Variants in NCKAP5 observed in about 807,000 individuals in gnomAD.
NCKAP5 encodes the protein nck-associated protein 5.
In NCKAP5, 92 loss-of-function variants were observed where a neutral mutation model predicts 167.0. That is an observed-to-expected ratio of 0.55 (90% CI 0.47 to 0.66). The LOEUF is 0.66. NCKAP5 is among the 30% of genes least tolerant of loss of function. NCKAP5 has a pLI of 0.00. For synonymous variants in NCKAP5, 891 were observed against 877.4 expected (o/e 1.02, Z -0.27); for missense variants, 2,378 against 2,315.0 (o/e 1.03, Z -0.56).
At chr2:132,872,625 T>A (rs1169545098) in intron 9 of NCKAP5, among the ~76,000 whole-genome samples, 1 of 152,254 alleles carries the variant, frequency 6.6e-6, no homozygotes, top group African/African-American at 2.4e-5. Context: ...CTCCATGCTC[T>A]ATGCTTTGAC....
intron 3 of NCKAP5, among the ~76,000 whole-genome samples, chr2:133,393,351 T>G (rs1229523703): frequency 1.3e-5 from 2 of 152,232 alleles, no homozygotes; most frequent in African/African-American, 2.4e-5. Flanking sequence ...AGCTTTACAG[T>G]TATCAAGTGT....
intron 3 of NCKAP5, among the ~76,000 whole-genome samples, chr2:133,443,348 G>GA (rs1394750838): frequency 2.0e-5 from 3 of 152,172 alleles, no homozygotes; most frequent in Non-Finnish European, 2.9e-5. Flanking sequence ...GGACATTAGT[G>GA]AAACAAAACA....
At chr2:132,926,775 A>C (rs1695931557) in intron 8 of NCKAP5, among the ~76,000 whole-genome samples, 2 of 151,942 alleles carry the variant, frequency 1.3e-5, no homozygotes, top group Non-Finnish European at 2.9e-5. Flanking sequence ...CTGGATATTC[A>C]TTCCATGTCG....
chr2:133,105,387 G>GT (rs35303948), intron 6 of NCKAP5, among the ~76,000 whole-genome samples: 26,689 of 152,050 alleles, frequency 0.18, 2,768 homozygotes, highest in East Asian at 0.51. Flanking sequence ...TTCTCCTCTG[G>GT]TTTTAGTTTG....
chr2:133,553,202 C>A (rs1033948011), intron 2 of NCKAP5, among the ~76,000 whole-genome samples: 1 of 152,176 alleles, frequency 6.6e-6, no homozygotes, highest in Non-Finnish European at 1.5e-5. Context: ...AGTATGCTGT[C>A]CAGACTAGAG....
intron 3 of NCKAP5, among the ~76,000 whole-genome samples, chr2:133,450,775 C>CT (rs1466000488): frequency 3.3e-5 from 5 of 152,150 alleles, no homozygotes; most frequent in Non-Finnish European, 7.3e-5. Context: ...TGACATCAAT[C>CT]TTCCTTTGGG....
chr2:132,794,876 A>C (rs953731144), intron 12 of NCKAP5, among the ~76,000 whole-genome samples: 2 of 152,140 alleles, frequency 1.3e-5, no homozygotes, highest in Non-Finnish European at 2.9e-5. Context: ...TGGCTTCTGG[A>C]GAGACATATT....
rs540509098 is a variant in NCKAP5 at position 132,899,038 on chromosome 2, G to A, written c.580-20122C>T. On this transcript the variant is annotated intron_variant, in intron 8 of 19. Transcript: ENST00000409261. ...TCTCTAGCTATGAAAATCCTAGATGGCCTCTTCTTCCAATATAAGATTGAC... is the reference window on the plus strand; with the variant it reads ...TCTCTAGCTATGAAAATCCTAGATGACCTCTTCTTCCAATATAAGATTGAC... Among the ~76,000 whole-genome samples, 6 of 152,220 alleles carry A rather than the reference G, an allele frequency of 3.9e-5. No homozygotes were observed. In the South Asian group the frequency reaches 8.3e-4, roughly 21 times the overall value.
chr2:132,698,347 T>G (rs1241910066), intron 19 of NCKAP5, among the ~76,000 whole-genome samples: 1 of 152,186 alleles, frequency 6.6e-6, no homozygotes, highest in Non-Finnish European at 1.5e-5. Context: ...TCAAAATTAT[T>G]CTTTAGAGCA....
the NCKAP5 span, among the ~76,000 whole-genome samples, chr2:133,595,255 A>T: frequency 6.6e-6 from 1 of 152,038 alleles, no homozygotes; most frequent in Non-Finnish European, 1.5e-5. Context: ...TTCTATTTTA[A>T]TGACTGTTTA....
intron 8 of NCKAP5, among the ~76,000 whole-genome samples, chr2:132,898,286 C>T (rs969240955): frequency 1.3e-5 from 2 of 152,226 alleles, no homozygotes; most frequent in Non-Finnish European, 2.9e-5. Flanking sequence ...CAGTCACATC[C>T]TCAAGCTCTG....
In NCKAP5 at chr2:133,153,927, C is replaced by A. The variant is rs529641826; in HGVS notation, c.208-23816G>T. Among the ~76,000 whole-genome samples, 32 of 151,122 alleles carry A rather than the reference C, an allele frequency of 2.1e-4. 1 individual carries two copies. In the South Asian group the frequency reaches 5.9e-3, roughly 28 times the overall value. On this transcript the variant is annotated intron_variant, in intron 5 of 19. Transcript: ENST00000409261. ...CTCAGCTCACTGCAACCTCCTCCCC[C>A]CAAGAAGGGTTCAAGTGATTCTCCT...
intron 16 of NCKAP5, among the ~76,000 whole-genome samples, chr2:132,741,687 T>C (rs1246562964): frequency 6.6e-6 from 1 of 152,122 alleles, no homozygotes; most frequent in African/African-American, 2.4e-5. Context: ...TTACTTTAAT[T>C]AGCAAAACCT....
intron 8 of NCKAP5, among the ~76,000 whole-genome samples, chr2:132,944,992 G>C (rs1211027383): frequency 6.6e-6 from 1 of 152,120 alleles, no homozygotes; most frequent in Non-Finnish European, 1.5e-5. Flanking sequence ...ATCACCTATG[G>C]ATATGATGGA....
chr2:133,422,805 C>CT (rs1421440789), intron 3 of NCKAP5, among the ~76,000 whole-genome samples: 1 of 152,140 alleles, frequency 6.6e-6, no homozygotes. Context: ...AAGCTATTCA[C>CT]TTTGGGATTT....
chr2:133,509,172 G>A (rs539508190), intron 3 of NCKAP5, among the ~76,000 whole-genome samples: 2 of 152,276 alleles, frequency 1.3e-5, no homozygotes, highest in South Asian at 4.1e-4. Context: ...ACAGATTCCT[G>A]TGAGAATCTA....
At chr2:132,876,939 C>T (rs1476115574) in intron 9 of NCKAP5, among the ~76,000 whole-genome samples, 3 of 152,140 alleles carry the variant, frequency 2.0e-5, no homozygotes, top group South Asian at 2.1e-4. Flanking sequence ...GGTTGACCTA[C>T]GGGAGAACTG....
chr2:132,975,373 A>G (rs2076949551), intron 7 of NCKAP5, among the ~76,000 whole-genome samples: 1 of 152,162 alleles, frequency 6.6e-6, no homozygotes, highest in Non-Finnish European at 1.5e-5. Context: ...TCTCCTCCAC[A>G]TTACTCTTCA....
Position 132,782,179 on chromosome 2 carries a change from G to C in NCKAP5, c.4632C>G (p.Asn1544Lys). The C allele has an allele frequency of 6.2e-7, 1 of 1,610,920 alleles. No homozygotes were observed. Among genetic ancestry groups the C allele is most frequent in the Non-Finnish European group, 8.5e-7 (1 of 1,179,292 alleles). ...KKDAKVLGFG[N>K]RQLKSERKKE... ...TTTTTCTTTCTGATTTTAGTTGTCTGTTTCCAAACCCCAAGACTTTTGCAT... is the reference window on the plus strand; with the variant it reads ...TTTTTCTTTCTGATTTTAGTTGTCTCTTTCCAAACCCCAAGACTTTTGCAT... Residue 1544 changes from asparagine (N) to lysine (K), a missense_variant, in exon 14 of 20, where the codon AAC becomes AAG. Physicochemically the swap from Asn to Lys is moderately conservative, Grantham distance 94. This residue lies in a region of NCKAP5 where 1,325 missense variants were observed against 1,274.5 expected (regional missense o/e 1.04). Coordinates refer to ENST00000409261, the MANE Select transcript of NCKAP5 (RefSeq NM_207363.3).
Sources: gnomAD v4.1 joint callset for allele counts (sites outside exome capture counted in the v4.1 genomes callset) on GRCh38, gnomAD v4.1.1 for gene constraint, gnomAD v4.1.1 regional missense constraint, MANE v1.5 for transcripts, NCBI Gene and HGNC (gene_info 2026-07-23, HGNC 2026-07-21) for gene names.